PTGER3: variants seen among roughly 807,000 people sequenced by gnomAD.
PTGER3 encodes the protein prostaglandin E2 receptor EP3 subtype.
In PTGER3, 22 loss-of-function variants were observed where a neutral mutation model predicts 34.7. That is an observed-to-expected ratio of 0.63 (90% confidence interval 0.45 to 0.91). The LOEUF (loss-of-function observed/expected upper bound fraction) is 0.91. Among genes scored for constraint, PTGER3 ranks in the 40% least tolerant of loss-of-function variants. The pLI is 0.00. For synonymous variants in PTGER3, 241 were observed against 230.1 expected (o/e 1.05, Z -0.43); for missense variants, 468 against 519.4 (o/e 0.90, Z 0.96).
chr1:70,953,210 T>G, intron 3 of PTGER3: 1 of 713,222 alleles, frequency 1.4e-6, no homozygotes. Context: ...CAGAGATTAT[T>G]TAAAATGTTC....
chr1:70,959,091 G>A (rs566777480), intron 2 of PTGER3, among the ~76,000 whole-genome samples: 8 of 152,212 alleles, frequency 5.3e-5, no homozygotes, highest in South Asian at 2.1e-4. Context: ...AGTATATTTC[G>A]AAGTCAGATA....
intron 4 of PTGER3, among the ~76,000 whole-genome samples, chr1:70,941,322 T>C (rs1369992353): frequency 6.6e-6 from 1 of 152,178 alleles, no homozygotes; most frequent in Non-Finnish European, 1.5e-5. Context: ...TTTGGTAGTA[T>C]CTAAACTCTT....
intron 2 of PTGER3, among the ~76,000 whole-genome samples, chr1:70,983,303 C>A (rs916549910): frequency 1.7e-4 from 25 of 150,656 alleles, no homozygotes; most frequent in African/African-American, 4.9e-4. Context: ...AACAACGGAA[C>A]TTTCTATGGC....
chr1:70,960,350 C>A (rs1263888403), intron 2 of PTGER3, among the ~76,000 whole-genome samples: 2 of 152,042 alleles, frequency 1.3e-5, no homozygotes, highest in Non-Finnish European at 2.9e-5. Flanking sequence ...TGCTTTTGTA[C>A]ATTGAGTGGG....
At chr1:70,979,820 C>A (rs1654083602) in intron 2 of PTGER3, among the ~76,000 whole-genome samples, 1 of 152,142 alleles carries the variant, frequency 6.6e-6, no homozygotes, top group African/African-American at 2.4e-5. Context: ...GTTTTTACAG[C>A]CTCACTATCT....
At chr1:70,886,242 A>G (rs997989476) in intron 4 of PTGER3, 7 of 434,688 alleles carry the variant, frequency 1.6e-5, no homozygotes, top group African/African-American at 8.1e-5. Flanking sequence ...TACAATGAGA[A>G]GACTGACATG....
At chr1:70,953,627 G>T in intron 3 of PTGER3, 3 of 1,273,198 alleles carry the variant, frequency 2.4e-6, no homozygotes, top group East Asian at 2.7e-5. Context: ...GACTGGGATA[G>T]GTTCCTTCAC....
chr1:70,880,990 C>T (rs1572535456), intron 4 of PTGER3, among the ~76,000 whole-genome samples: 1 of 152,082 alleles, frequency 6.6e-6, no homozygotes, highest in East Asian at 1.9e-4. Flanking sequence ...ATCATAACCT[C>T]AAATATGTTT....
chr1:70,952,651 C>A (rs565367313), exon 4 of PTGER3: 2 of 1,091,438 alleles, frequency 1.8e-6, no homozygotes, highest in South Asian at 4.1e-5. Flanking sequence ...AAGCAGCAGT[C>A]TTGGCAATTC....
intron 2 of PTGER3, chr1:71,009,540 A>G (rs1326923926): frequency 4.1e-6 from 4 of 984,796 alleles, no homozygotes; most frequent in Non-Finnish European, 4.8e-6. Context: ...TCATTAAGTA[A>G]CATGTGATCA....
At chr1:71,004,016 CA>C (rs1474891371) in intron 2 of PTGER3, among the ~76,000 whole-genome samples, 2 of 152,150 alleles carry the variant, frequency 1.3e-5, no homozygotes, top group African/African-American at 2.4e-5. Flanking sequence ...AATTAAGAAC[CA>C]ATGTTCTTTC....
intron 1 of PTGER3, among the ~76,000 whole-genome samples, chr1:71,035,904 C>T (rs1462558448): frequency 6.6e-6 from 1 of 152,132 alleles, no homozygotes; most frequent in Non-Finnish European, 1.5e-5. Context: ...CATAAATGAC[C>T]TTTTTCCCAG....
chr1:70,996,666 T>TATTTATTTATTC (rs1313901330), intron 2 of PTGER3, among the ~76,000 whole-genome samples: 22 of 145,558 alleles, frequency 1.5e-4, no homozygotes, highest in African/African-American at 5.1e-4. Context: ...TTTATTTATT[T>TATTTATTTATTC]ATTTATTTAT....
At chr1:70,905,977 G>A (rs1364225777) in intron 4 of PTGER3, among the ~76,000 whole-genome samples, 2 of 152,114 alleles carry the variant, frequency 1.3e-5, no homozygotes, top group African/African-American at 2.4e-5. Flanking sequence ...ATTGAATTAT[G>A]GGGGTGGCTC....
At chr1:71,038,557 T>G (rs1379579452) in intron 1 of PTGER3, among the ~76,000 whole-genome samples, 2 of 152,248 alleles carry the variant, frequency 1.3e-5, no homozygotes, top group Non-Finnish European at 2.9e-5. Context: ...TTCAAATATC[T>G]ATCATAAAAT....
At chr1:70,934,952 C>G (rs1423559534) in intron 4 of PTGER3, among the ~76,000 whole-genome samples, 1 of 152,110 alleles carries the variant, frequency 6.6e-6, no homozygotes, top group Non-Finnish European at 1.5e-5. Context: ...TAAACTTTCC[C>G]TTTTGGCCCT....
intron 4 of PTGER3, among the ~76,000 whole-genome samples, chr1:70,921,810 AT>A: frequency 6.6e-6 from 1 of 152,306 alleles, no homozygotes; most frequent in East Asian, 1.9e-4. Context: ...GGCTTGGAAA[AT>A]TGGTCCTTTA....
chr1:71,000,269 G>T (rs1656356536), intron 2 of PTGER3, among the ~76,000 whole-genome samples: 1 of 152,152 alleles, frequency 6.6e-6, no homozygotes, highest in Admixed American at 6.5e-5. Flanking sequence ...TGTGTATTTG[G>T]TCAAGTGACT....
chr1:70,921,640 T>A (rs1647539526), intron 4 of PTGER3, among the ~76,000 whole-genome samples: 1 of 128,868 alleles, frequency 7.8e-6, no homozygotes, highest in African/African-American at 2.8e-5. Flanking sequence ...TTGCTGCAGG[T>A]CCCTAAAAAA....
Sources: gnomAD v4.1 joint callset for allele counts (sites outside exome capture counted in the v4.1 genomes callset) on GRCh38, gnomAD v4.1.1 for gene constraint, MANE v1.5 for transcripts, NCBI Gene and HGNC (gene_info 2026-07-23, HGNC 2026-07-21) for gene names.